Variants in HPSE2 observed in about 807,000 individuals in gnomAD.
The protein encoded by HPSE2 is heparanase 2 (inactive).
Under a neutral mutation model 60.5 loss-of-function variants are expected in HPSE2, and 38 were observed. The observed-to-expected ratio is 0.63, with a 90% CI of 0.48 to 0.82. HPSE2 has a LOEUF of 0.82. HPSE2 is among the 40% of genes least tolerant of loss of function. The pLI, the probability that HPSE2 is intolerant of heterozygous loss-of-function variation, is 0.00. For synonymous variants in HPSE2, 295 were observed against 293.2 expected (o/e 1.01, Z -0.06); for missense variants, 713 against 740.4 (o/e 0.96, Z 0.43).
intron 3 of HPSE2, among the ~76,000 whole-genome samples, chr10:99,052,384 G>A (rs1166210100): frequency 2.0e-5 from 3 of 149,104 alleles, no homozygotes; most frequent in Non-Finnish European, 4.5e-5. Flanking sequence ...AGACCACAGA[G>A]AAAAAAAGAC....
At chr10:99,114,120 T>C (rs1221030812) in intron 3 of HPSE2, among the ~76,000 whole-genome samples, 1 of 152,208 alleles carries the variant, frequency 6.6e-6, no homozygotes, top group Non-Finnish European at 1.5e-5. Flanking sequence ...ACCAGAATTG[T>C]ACAAAACAAG....
At position 98,940,763 on chromosome 10, in the gene HPSE2, G is replaced by T. The variant is rs555052815; in HGVS notation, c.611-196707C>A. Among the ~76,000 whole-genome samples the T allele has an allele frequency of 8.5e-3, 1,207 of 142,218 alleles. 174 individuals carry two copies. The highest frequency in any genetic ancestry group is 0.034 in the African/African-American group (1,153 of 34,228). The allele number at this position is 142,218 out of a possible 152,430, so 93.3% of individuals were successfully genotyped here. ...CCAGCATCATCCTGATACCAAAGCTGGGCAGAGACACAACCAAAAAAGAGA... is the reference window on the plus strand; with the variant it reads ...CCAGCATCATCCTGATACCAAAGCTTGGCAGAGACACAACCAAAAAAGAGA... On this transcript the variant is annotated intron_variant, in intron 3 of 11. Transcript: ENST00000370552.
At chr10:98,748,614 T>A (rs892363783) in intron 3 of HPSE2, among the ~76,000 whole-genome samples, 2 of 152,128 alleles carry the variant, frequency 1.3e-5, no homozygotes, top group African/African-American at 4.8e-5. Context: ...TGTAAAAGTA[T>A]ACAGGCTTGG....
intron 3 of HPSE2, among the ~76,000 whole-genome samples, chr10:98,923,486 C>T (rs1954346466): frequency 6.6e-6 from 1 of 152,032 alleles, no homozygotes; most frequent in South Asian, 2.1e-4. Context: ...ACTTTCTATC[C>T]CTATCTCTTT....
At chr10:99,259,178 T>C in the HPSE2 span, among the ~76,000 whole-genome samples, 1 of 151,908 alleles carries the variant, frequency 6.6e-6, no homozygotes, top group African/African-American at 2.4e-5. Context: ...TGATGGCACA[T>C]GCCTGTAATC....
chr10:98,555,543 T>C (rs1943982219), intron 9 of HPSE2, among the ~76,000 whole-genome samples: 1 of 152,216 alleles, frequency 6.6e-6, no homozygotes, highest in African/African-American at 2.4e-5. Flanking sequence ...TAACACCTCT[T>C]GTCTTGCAGT....
At chr10:98,998,447 T>C (rs942584002) in intron 3 of HPSE2, among the ~76,000 whole-genome samples, 1 of 152,220 alleles carries the variant, frequency 6.6e-6, no homozygotes, top group Non-Finnish European at 1.5e-5. Flanking sequence ...GATTTCTTCA[T>C]GTGATTTTGG....
intron 9 of HPSE2, among the ~76,000 whole-genome samples, chr10:98,528,005 T>C (rs988571974): frequency 6.6e-6 from 1 of 152,218 alleles, no homozygotes; most frequent in Non-Finnish European, 1.5e-5. Flanking sequence ...CAGGTGGGTA[T>C]CATTCGCGGT....
At chr10:98,975,985 A>G (rs1244286679) in intron 3 of HPSE2, among the ~76,000 whole-genome samples, 1 of 152,230 alleles carries the variant, frequency 6.6e-6, no homozygotes. Context: ...CCCGCTCATA[A>G]CAAGGTAGAA....
intron 3 of HPSE2, among the ~76,000 whole-genome samples, chr10:98,947,284 G>A (rs1564681251): frequency 6.6e-6 from 1 of 152,150 alleles, no homozygotes; most frequent in Non-Finnish European, 1.5e-5. Context: ...CAGCTTTTAT[G>A]TAGGTACAGG....
At chr10:98,869,747 T>C (rs1265069999) in intron 3 of HPSE2, among the ~76,000 whole-genome samples, 1 of 152,092 alleles carries the variant, frequency 6.6e-6, no homozygotes, top group Non-Finnish European at 1.5e-5. Flanking sequence ...AGAATTTTGA[T>C]CCTGACTTGG....
chr10:98,711,146 T>A (rs985912643), intron 5 of HPSE2, among the ~76,000 whole-genome samples: 3 of 152,040 alleles, frequency 2.0e-5, no homozygotes, highest in African/African-American at 7.2e-5. Flanking sequence ...AGGTGCTGGT[T>A]AGAAGATCAT....
chr10:98,764,646 A>C (rs916395843), intron 3 of HPSE2, among the ~76,000 whole-genome samples: 28 of 152,076 alleles, frequency 1.8e-4, no homozygotes, highest in African/African-American at 6.8e-4. Flanking sequence ...TTGAGGTCAG[A>C]AGTTCGAGAC....
At chr10:98,544,898 G>A (rs1943612691) in intron 9 of HPSE2, among the ~76,000 whole-genome samples, 1 of 152,050 alleles carries the variant, frequency 6.6e-6, no homozygotes, top group African/African-American at 2.4e-5. Context: ...GAAATTGATA[G>A]ACTGCTAGCA....
chr10:98,578,316 C>A (rs985308183), intron 9 of HPSE2, among the ~76,000 whole-genome samples: 1 of 152,146 alleles, frequency 6.6e-6, no homozygotes, highest in African/African-American at 2.4e-5. Context: ...ATGGCCCAGT[C>A]TTTTGGATGG....
intron 4 of HPSE2, 96 bp from the exon 5 acceptor site, chr10:98,721,924 A>AT: frequency 9.9e-7 from 1 of 1,010,158 alleles, no homozygotes; most frequent in Non-Finnish European, 1.5e-6. Context: ...TCTTAATAAT[A>AT]TGAAAAAAAA....
chr10:98,985,527 C>A (rs1377092621), intron 3 of HPSE2, among the ~76,000 whole-genome samples: 1 of 152,202 alleles, frequency 6.6e-6, no homozygotes, highest in East Asian at 1.9e-4. Context: ...GTACCAGCCA[C>A]TGCAAAAACA....
chr10:98,989,502 G>C (rs1176151675), intron 3 of HPSE2, among the ~76,000 whole-genome samples: 2 of 146,606 alleles, frequency 1.4e-5, no homozygotes, highest in East Asian at 2.0e-4. Context: ...GTTGTGGGGT[G>C]GGGGGAGGGG....
intron 3 of HPSE2, among the ~76,000 whole-genome samples, chr10:98,745,575 G>T (rs564568777): frequency 6.6e-6 from 1 of 152,240 alleles, no homozygotes; most frequent in South Asian, 2.1e-4. Flanking sequence ...GTTGATGTCA[G>T]CCAGTTTATT....
Sources: gnomAD v4.1 joint callset for allele counts (sites outside exome capture counted in the v4.1 genomes callset) on GRCh38, gnomAD v4.1.1 for gene constraint, MANE v1.5 for transcripts, NCBI Gene and HGNC (gene_info 2026-07-23, HGNC 2026-07-21) for gene names.